The following PDE4B variants were observed in gnomAD, a reference collection of about 807,000 sequenced individuals.
PDE4B encodes the protein phosphodiesterase 4B.
In PDE4B, 20 loss-of-function variants were observed where a neutral mutation model predicts 82.2. The ratio of observed to expected loss-of-function variants is 0.24; its 90% confidence interval spans 0.17 to 0.35. The LOEUF is 0.35. PDE4B is among the 10% of genes least tolerant of loss of function. The probability of loss-of-function intolerance (pLI) is 1.00; values close to 1 mark genes in which losing one functional copy is unlikely to be tolerated. For missense variants in PDE4B, 655 were observed against 907.2 expected (o/e 0.72, Z 3.57); for synonymous variants, 320 against 318.9 (o/e 1.00, Z -0.04).
At chr1:65,876,353 A>C (rs1646643585) in intron 1 of PDE4B, among the ~76,000 whole-genome samples, 1 of 152,078 alleles carries the variant, frequency 6.6e-6, no homozygotes, top group Non-Finnish European at 1.5e-5. Context: ...TGGATTGTAA[A>C]GTTTATAAAT....
chr1:65,813,912 A>C (rs80151734), intron 1 of PDE4B, among the ~76,000 whole-genome samples: 5,240 of 147,586 alleles, frequency 0.036, 251 homozygotes, highest in Admixed American at 0.09. Flanking sequence ...AAAAAAAAAA[A>C]ACAACAGTTG....
chr1:66,337,939 G>A (rs187176247), intron 8 of PDE4B, among the ~76,000 whole-genome samples: 176 of 152,208 alleles, frequency 1.2e-3, no homozygotes, highest in Non-Finnish European at 2.0e-3. Flanking sequence ...CTTTACTTAG[G>A]TATAGTAATA....
intron 3 of PDE4B, among the ~76,000 whole-genome samples, chr1:66,202,675 C>T (rs535690022): frequency 2.6e-5 from 4 of 152,150 alleles, no homozygotes; most frequent in Admixed American, 6.5e-5. Context: ...GCAACCCCTG[C>T]CTTTTTTTGT....
chr1:66,220,390 A>T (rs570991133), intron 3 of PDE4B, among the ~76,000 whole-genome samples: 1 of 152,294 alleles, frequency 6.6e-6, no homozygotes, highest in Non-Finnish European at 1.5e-5. Context: ...GTTCCAAGGG[A>T]TAAAGTGGGA....
At chr1:66,096,524 A>ATATATG (rs1553145374) in intron 3 of PDE4B, among the ~76,000 whole-genome samples, 8 of 139,668 alleles carry the variant, frequency 5.7e-5, no homozygotes, top group African/African-American at 2.2e-4. Context: ...ATATATATAT[A>ATATATG]TATATATATA....
At chr1:65,847,068 C>T (rs1213481509) in intron 1 of PDE4B, among the ~76,000 whole-genome samples, 1 of 152,202 alleles carries the variant, frequency 6.6e-6, no homozygotes, top group Non-Finnish European at 1.5e-5. Context: ...ACAGTCATAA[C>T]ATTTTCTAAT....
chr1:66,329,760 A>G (rs1425563693), intron 7 of PDE4B, among the ~76,000 whole-genome samples: 2 of 152,340 alleles, frequency 1.3e-5, no homozygotes, highest in Non-Finnish European at 2.9e-5. Context: ...CTACAGATGT[A>G]TGAAATTGAG....
intron 1 of PDE4B, among the ~76,000 whole-genome samples, chr1:65,865,620 C>T (rs1362803033): frequency 3.9e-5 from 6 of 152,116 alleles, no homozygotes; most frequent in Non-Finnish European, 8.8e-5. Flanking sequence ...TCACGGCTTC[C>T]TTTGGCTGAG....
In PDE4B at chr1:65,918,775, C is replaced by T. The variant is rs779055443; in HGVS notation, c.221C>T (p.Pro74Leu). 44 of 1,613,866 alleles carry T rather than the reference C, an allele frequency of 2.7e-5. No homozygotes were observed. Among genetic ancestry groups the T allele is most frequent in the South Asian group, 3.3e-5 (3 of 91,082 alleles). Reference protein sequence around the residue: ...RTPEGDGISRPTTLPLTTLPS... With the variant: ...RTPEGDGISRLTTLPLTTLPS... Reference sequence around the variant, plus strand: ...CCTGAGGGAGATGGTATTTCCAGGCCGACCACACTGCCTTTGACAACGCTT... The same window carrying T: ...CCTGAGGGAGATGGTATTTCCAGGCTGACCACACTGCCTTTGACAACGCTT... Residue 74 changes from proline (P) to leucine (L), a missense_variant, in exon 3 of 17, where the codon CCG becomes CTG. Physicochemically the swap from Pro to Leu is moderately conservative, Grantham distance 98 (BLOSUM62 -3). This residue lies in a region of PDE4B where 253 missense variants were observed against 275.6 expected (regional missense o/e 0.92). Transcript: ENST00000341517.
chr1:66,358,980 T>C (rs943539672), intron 9 of PDE4B, among the ~76,000 whole-genome samples: 5 of 152,172 alleles, frequency 3.3e-5, no homozygotes, highest in Admixed American at 1.3e-4. Flanking sequence ...TCATTGATGC[T>C]GTCACATAAT....
chr1:66,021,485 AT>A (rs1349748607), intron 3 of PDE4B, among the ~76,000 whole-genome samples: 2 of 152,320 alleles, frequency 1.3e-5, no homozygotes, highest in East Asian at 3.9e-4. Context: ...TCTTGAATTA[AT>A]TTTTGTATAA....
chr1:66,019,340 T>A (rs535204937), intron 3 of PDE4B, among the ~76,000 whole-genome samples: 2 of 147,830 alleles, frequency 1.4e-5, no homozygotes, highest in South Asian at 4.2e-4. Flanking sequence ...TTTAGAAAAT[T>A]ATTATTATTG....
At chr1:66,035,252 G>A (rs1036746226) in intron 3 of PDE4B, among the ~76,000 whole-genome samples, 14 of 150,038 alleles carry the variant, frequency 9.3e-5, no homozygotes, top group Non-Finnish European at 1.3e-4. Context: ...TTTGACACAT[G>A]TTTAGATTGT....
intron 3 of PDE4B, among the ~76,000 whole-genome samples, chr1:66,235,638 T>A (rs929996727): frequency 1.6e-4 from 25 of 152,360 alleles, no homozygotes; most frequent in African/African-American, 6.0e-4. Context: ...CATGCTTTTT[T>A]AATCCATCTT....
At chr1:65,908,606 T>C (rs190791493) in intron 1 of PDE4B, among the ~76,000 whole-genome samples, 8 of 152,280 alleles carry the variant, frequency 5.3e-5, no homozygotes, top group Non-Finnish European at 8.8e-5. Flanking sequence ...CTTGAGCTTA[T>C]TCTGGATCAA....
intron 3 of PDE4B, among the ~76,000 whole-genome samples, chr1:66,245,153 G>A (rs1653204777): frequency 6.6e-6 from 1 of 152,110 alleles, no homozygotes; most frequent in African/African-American, 2.4e-5. Context: ...ATGAATTAAT[G>A]GACACAGGCA....
chr1:66,242,059 G>T (rs901058161), intron 3 of PDE4B, among the ~76,000 whole-genome samples: 1 of 152,212 alleles, frequency 6.6e-6, no homozygotes, highest in African/African-American at 2.4e-5. Context: ...GTCACCATCT[G>T]GTGGAGTGAG....
intron 3 of PDE4B, among the ~76,000 whole-genome samples, chr1:66,067,989 T>A (rs191180140): frequency 6.6e-6 from 1 of 151,264 alleles, no homozygotes; most frequent in Non-Finnish European, 1.5e-5. Context: ...GTATACCTAA[T>A]GCTAAATGAC....
chr1:66,107,400 A>C (rs1369118989), intron 3 of PDE4B, among the ~76,000 whole-genome samples: 4 of 151,808 alleles, frequency 2.6e-5, no homozygotes, highest in Non-Finnish European at 4.4e-5. Flanking sequence ...ATGTCAACCC[A>C]TTTTCCTGTA....
Sources: gnomAD v4.1 joint callset for allele counts (sites outside exome capture counted in the v4.1 genomes callset) on GRCh38, gnomAD v4.1.1 for gene constraint, gnomAD v4.1.1 regional missense constraint, MANE v1.5 for transcripts, NCBI Gene and HGNC (gene_info 2026-07-23, HGNC 2026-07-21) for gene names.